Variants in ST13 observed in about 807,000 individuals in gnomAD.
ST13 encodes the protein hsc70-interacting protein.
Under a neutral mutation model 56.7 loss-of-function variants are expected in ST13, and 23 were observed. That is an observed-to-expected ratio of 0.41 (90% CI 0.29 to 0.57). The LOEUF (loss-of-function observed/expected upper bound fraction) is 0.57. ST13 is among the 20% of genes least tolerant of loss of function. The probability of loss-of-function intolerance (pLI) is 0.36; values close to 1 mark genes in which losing one functional copy is unlikely to be tolerated. For synonymous variants in ST13, 132 were observed against 142.4 expected (o/e 0.93, Z 0.52); for missense variants, 369 against 459.9 (o/e 0.80, Z 1.81).
chr22:40,853,710 G>A (rs1460705129), intron 1 of ST13, among the ~76,000 whole-genome samples: 1 of 152,164 alleles, frequency 6.6e-6, no homozygotes, highest in Non-Finnish European at 1.5e-5. Context: ...TCTATATTGA[G>A]GGTAGAAATG....
At chr22:40,827,330 A>T in intron 10 of ST13, 101 bp from the exon 11 acceptor site, 1 of 1,199,508 alleles carries the variant, frequency 8.3e-7, no homozygotes, top group South Asian at 1.3e-5. Flanking sequence ...GGTGCCACTA[A>T]GCACAAAGTA....
rs770722102 is a variant in ST13, at chr22:40,848,296, A to G, written c.242T>C (p.Leu81Pro). Residue 81 changes from leucine (L) to proline (P), a missense_variant and splice_region_variant, in exon 3 of 12, where the codon CTA becomes CCA. Leu to Pro is a moderately conservative substitution (Grantham distance 98). Transcript: ENST00000216218. ...ADEPSSEESD[L>P]EIDKEGVIEP... is the part of the protein sequence containing the mutation. ...CAAACTAACTACCGTCTCCTCACCT[A>G]GATCACTTTCCTCACTTGATGGTTC... The G allele has an allele frequency of 6.2e-7, 1 of 1,611,196 alleles. No individual in the cohort carries two copies. Among genetic ancestry groups the G allele is most frequent in the East Asian group, 2.2e-5 (1 of 44,854 alleles).
intron 10 of ST13, 116 bp from the exon 11 acceptor site, chr22:40,827,345 G>T: frequency 2.0e-6 from 2 of 1,007,184 alleles, no homozygotes. Flanking sequence ...AAAGTAGTCT[G>T]AAGAGTCTGA....
At chr22:40,848,400 G>C (rs1395846754) in intron 2 of ST13, 31 bp from the exon 3 acceptor site, 12 of 1,348,746 alleles carry the variant, frequency 8.9e-6, no homozygotes, top group Non-Finnish European at 1.3e-5. Flanking sequence ...AGTACTATCA[G>C]TATTTAATAA....
At chr22:40,836,135 T>C (rs1389154964) in intron 5 of ST13, among the ~76,000 whole-genome samples, 1 of 152,212 alleles carries the variant, frequency 6.6e-6, no homozygotes, top group Non-Finnish European at 1.5e-5. Context: ...ACATTCTTAG[T>C]ATGACCCATA....
At chr22:40,827,709 C>T (rs932884855) in intron 10 of ST13, among the ~76,000 whole-genome samples, 4 of 151,578 alleles carry the variant, frequency 2.6e-5, no homozygotes, top group African/African-American at 4.8e-5. Flanking sequence ...TCAAGTTGGC[C>T]GGGCCGCTCT....
intron 10 of ST13, among the ~76,000 whole-genome samples, chr22:40,828,174 A>T (rs1026220428): frequency 6.6e-5 from 10 of 152,232 alleles, no homozygotes; most frequent in African/African-American, 2.2e-4. Flanking sequence ...TTCTTTACAG[A>T]GAATAATGCT....
chr22:40,845,094 C>T (rs891805347), intron 3 of ST13, among the ~76,000 whole-genome samples, 185 bp from the exon 4 acceptor site: 1 of 152,154 alleles, frequency 6.6e-6, no homozygotes, highest in Admixed American at 6.5e-5. Context: ...CGTTAACTGT[C>T]ACATCATGTA....
At position 40,824,570 on chromosome 22, in the gene ST13, TAAAAATCTAAAAGCACAGGACAC is replaced by T. The variant is rs900154088; in HGVS notation, c.*1945_*1967del. 1.1e-4 allele frequency: 16 copies of T among 152,228 alleles called. No individual in the cohort carries two copies. Among genetic ancestry groups the T allele is most frequent in the African/African-American group, 3.9e-4 (16 of 41,462 alleles). 9.4% of individuals were successfully genotyped at this position (152,228 alleles called of 1,614,324 possible). Reference sequence around the variant, plus strand: ...AATTAAGAATGTATATTATGGAATTTAAAAATCTAAAAGCACAGGACACATTTTCAGAAGAGGAATTTTACTTT... The same window carrying T: ...AATTAAGAATGTATATTATGGAATTTATTTTCAGAAGAGGAATTTTACTTT... On this transcript the variant is annotated 3_prime_UTR_variant, in exon 12 of 12. Transcript: ENST00000216218.
chr22:40,835,526 A>C (rs763631135), intron 7 of ST13, 34 bp downstream of exon 7: 2 of 1,532,752 alleles, frequency 1.3e-6, no homozygotes, highest in African/African-American at 2.7e-5. Flanking sequence ...TTAAATGTAA[A>C]GAGTTCTGAA....
chr22:40,840,601 G>A, intron 5 of ST13, 25 bp downstream of exon 5: 1 of 1,599,124 alleles, frequency 6.3e-7, no homozygotes, highest in Non-Finnish European at 8.5e-7. Flanking sequence ...GACTACCATA[G>A]AAATGTAGCA....
Position 40,856,595 on chromosome 22 carries a change from G to C in ST13, c.-55C>G, listed in dbSNP as rs28364592. The C allele has an allele frequency of 1.3e-3, 1,920 of 1,488,184 alleles. 37 individuals are homozygous for C. The East Asian group carries it at 0.031, about 24-fold the overall frequency. 92.2% of individuals were successfully genotyped at this position (1,488,184 alleles called of 1,614,324 possible). ...GGCTACGGCCCGGTTCCAGGCCCAG[G>C]CGCTGGCTCGGCGTGACCGCGCAGA... On this transcript the variant is annotated 5_prime_UTR_variant, in exon 1 of 12. Transcript: ENST00000216218.
chr22:40,844,071 C>T (rs1032104567), intron 4 of ST13, among the ~76,000 whole-genome samples: 5 of 151,782 alleles, frequency 3.3e-5, no homozygotes, highest in Non-Finnish European at 5.9e-5. Context: ...TTAGTAGAGA[C>T]GGGGTTTCAC....
chr22:40,854,510 A>G (rs1354052195), intron 1 of ST13: 1 of 152,248 alleles, frequency 6.6e-6, no homozygotes, highest in Non-Finnish European at 1.5e-5. Flanking sequence ...TTTGGGAGAT[A>G]GTAGTGCCTG....
At chr22:40,850,933 C>A in intron 1 of ST13, 53 bp from the exon 2 acceptor site, 2 of 1,375,860 alleles carry the variant, frequency 1.5e-6, no homozygotes, top group South Asian at 1.3e-5. Context: ...AATTCACTGT[C>A]ACGCAACGTA....
rs1219921370 is a variant in ST13, at chr22:40,856,614, G to T, written c.-74C>A. 3 of 1,212,174 alleles carry T rather than the reference G, an allele frequency of 2.5e-6. No individual in the cohort carries two copies. Among genetic ancestry groups the T allele is most frequent in the Non-Finnish European group, 3.6e-6 (3 of 823,826 alleles). The allele number at this position is 1,212,174 out of a possible 1,614,324, so 75.1% of individuals were successfully genotyped here. A position where few individuals can be genotyped will look rare whatever the true frequency, so the allele number is the denominator to read the frequency against. ...GCCCAGGCGCTGGCTCGGCGTGACCGCGCAGAAGGGGGCGGCTGCCGCAAG... is the reference window on the plus strand; with the variant it reads ...GCCCAGGCGCTGGCTCGGCGTGACCTCGCAGAAGGGGGCGGCTGCCGCAAG... On this transcript the variant is annotated 5_prime_UTR_variant, in exon 1 of 12. Transcript: ENST00000216218.
Position 40,856,621 on chromosome 22 carries a change from A to C in ST13, c.-81T>G. The C allele has an allele frequency of 8.8e-7, 1 of 1,131,812 alleles. No homozygotes were observed. The highest frequency in any genetic ancestry group is 1.3e-6 in the Non-Finnish European group (1 of 754,132). The allele number at this position is 1,131,812 out of a possible 1,614,324, so 70.1% of individuals were successfully genotyped here. A position where few individuals can be genotyped will look rare whatever the true frequency, so the allele number is the denominator to read the frequency against. On this transcript the variant is annotated 5_prime_UTR_variant, in exon 1 of 12. Transcript: ENST00000216218. The stretch of plus-strand genomic sequence containing the variant: ...CGCTGGCTCGGCGTGACCGCGCAGA[A>C]GGGGGCGGCTGCCGCAAGACAGAAC...
intron 1 of ST13, among the ~76,000 whole-genome samples, chr22:40,855,970 T>G (rs2057891236): frequency 6.6e-6 from 1 of 152,116 alleles, no homozygotes; most frequent in African/African-American, 2.4e-5. Flanking sequence ...GTTATCATTT[T>G]TATTCTTACT....
chr22:40,832,455 T>C, intron 8 of ST13, 114 bp downstream of exon 8: 1 of 741,824 alleles, frequency 1.3e-6, no homozygotes, highest in South Asian at 1.6e-5. Context: ...GATTATATCT[T>C]CCAATGGTTT....
Sources: gnomAD v4.1 joint callset for allele counts (sites outside exome capture counted in the v4.1 genomes callset) on GRCh38, gnomAD v4.1.1 for gene constraint, MANE v1.5 for transcripts, NCBI Gene and HGNC (gene_info 2026-07-23, HGNC 2026-07-21) for gene names.